STPG2: variants seen among roughly 807,000 people sequenced by gnomAD.
The protein encoded by STPG2 is sperm-tail PG-rich repeat-containing protein 2.
Under a neutral mutation model 54.2 loss-of-function variants are expected in STPG2, and 56 were observed. The ratio of observed to expected loss-of-function variants is 1.03; its 90% CI spans 0.83 to 1.29. The LOEUF (loss-of-function observed/expected upper bound fraction) is 1.29, where lower values mean the gene tolerates loss of function less well. STPG2 is among the 50% of genes most tolerant of loss of function. The probability of loss-of-function intolerance (pLI) is 0.00; values close to 1 mark genes in which losing one functional copy is unlikely to be tolerated. For synonymous variants in STPG2, 200 were observed against 181.8 expected (o/e 1.10, Z -0.81); for missense variants, 596 against 544.9 (o/e 1.09, Z -0.93).
At chr4:97,565,901 G>C (rs912693493) in intron 10 of STPG2, among the ~76,000 whole-genome samples, 1 of 152,184 alleles carries the variant, frequency 6.6e-6, no homozygotes, top group African/African-American at 2.4e-5. Context: ...ACCCACTTGA[G>C]GAGGCAGTCT....
intron 4 of STPG2, among the ~76,000 whole-genome samples, chr4:97,541,061 A>G (rs1731689265): frequency 6.6e-6 from 1 of 152,224 alleles, no homozygotes; most frequent in Non-Finnish European, 1.5e-5. Flanking sequence ...AAATGGCACA[A>G]GACAGGGATG....
At chr4:98,042,688 T>A (rs1578807488) in intron 5 of STPG2, among the ~76,000 whole-genome samples, 1 of 149,870 alleles carries the variant, frequency 6.7e-6, no homozygotes, top group East Asian at 1.9e-4. Flanking sequence ...TAATTTTGAT[T>A]TTCAAAAATT....
chr4:98,120,489 C>T (rs1739648510), intron 3 of STPG2, among the ~76,000 whole-genome samples: 1 of 152,190 alleles, frequency 6.6e-6, no homozygotes, highest in Admixed American at 6.5e-5. Context: ...AATCACCACA[C>T]TGTCTTCCAC....
chr4:97,914,538 A>C (rs1731802481), intron 8 of STPG2, among the ~76,000 whole-genome samples: 2 of 152,180 alleles, frequency 1.3e-5, no homozygotes, highest in South Asian at 4.1e-4. Context: ...CACACCTCCA[A>C]AACTTTCCAT....
chr4:97,761,082 A>T (rs1396874990), intron 9 of STPG2, among the ~76,000 whole-genome samples: 1 of 152,146 alleles, frequency 6.6e-6, no homozygotes, highest in Non-Finnish European at 1.5e-5. Flanking sequence ...AGTTGAAGAT[A>T]ATCTCCCCAT....
At chr4:98,022,275 G>A (rs1382954362) in intron 5 of STPG2, among the ~76,000 whole-genome samples, 1 of 151,284 alleles carries the variant, frequency 6.6e-6, no homozygotes, top group Non-Finnish European at 1.5e-5. Flanking sequence ...CTTCACTTAT[G>A]AAGCTTAGTT....
At chr4:97,860,257 T>C (rs1460027876) in intron 8 of STPG2, among the ~76,000 whole-genome samples, 1 of 152,118 alleles carries the variant, frequency 6.6e-6, no homozygotes, top group Non-Finnish European at 1.5e-5. Flanking sequence ...TTTCTAGTTC[T>C]ATGAAGAATC....
chr4:97,882,437 G>A (rs1730411871), intron 8 of STPG2, among the ~76,000 whole-genome samples: 1 of 152,126 alleles, frequency 6.6e-6, no homozygotes, highest in Admixed American at 6.6e-5. Context: ...GATCCCTGGA[G>A]AAAGAAAACT....
chr4:97,874,167 C>G (rs986814064), intron 8 of STPG2, among the ~76,000 whole-genome samples: 1 of 151,564 alleles, frequency 6.6e-6, no homozygotes, highest in African/African-American at 2.4e-5. Flanking sequence ...AAAGCTTTGA[C>G]CAACTGAAAT....
At chr4:97,470,794 C>G in intron 4 of STPG2, among the ~76,000 whole-genome samples, 1 of 151,954 alleles carries the variant, frequency 6.6e-6, no homozygotes, top group East Asian at 1.9e-4. Flanking sequence ...AGGTGAATGA[C>G]TGATATAGGC....
intron 10 of STPG2, among the ~76,000 whole-genome samples, chr4:97,579,799 C>T (rs1732818205): frequency 6.6e-6 from 1 of 151,966 alleles, no homozygotes; most frequent in Non-Finnish European, 1.5e-5. Flanking sequence ...ATTTTGCACA[C>T]TAATTGAGGT....
chr4:97,639,802 G>T (rs556161499), intron 10 of STPG2, among the ~76,000 whole-genome samples: 1 of 151,154 alleles, frequency 6.6e-6, no homozygotes, highest in African/African-American at 2.4e-5. Context: ...GTTCCCAAAA[G>T]GAACCATTTG....
At chr4:97,995,733 G>GT (rs1458527429) in intron 5 of STPG2, among the ~76,000 whole-genome samples, 2 of 152,120 alleles carry the variant, frequency 1.3e-5, no homozygotes, top group Non-Finnish European at 2.9e-5. Context: ...CTCATTTCTG[G>GT]TCCCCAGTGA....
rs75530151 is a variant in STPG2 at position 97,915,887 on chromosome 4, T to C, written c.1044+28010A>G. Reference sequence around the variant, plus strand: ...TTCGGGAAGATCACCATGGCAATAATGCATTGCAAGGATAGAGGGGGTGAG... The same window carrying C: ...TTCGGGAAGATCACCATGGCAATAACGCATTGCAAGGATAGAGGGGGTGAG... On this transcript the variant is annotated intron_variant, in intron 8 of 10. Coordinates refer to ENST00000295268, the MANE Select transcript of STPG2 (RefSeq NM_174952.3). Among the ~76,000 whole-genome samples, 619 of 152,176 alleles carry C rather than the reference T, an allele frequency of 4.1e-3. 29 individuals are homozygous for C. In the East Asian group the frequency reaches 0.1, roughly 25 times the overall value.
At chr4:98,140,700 G>A (rs1379414407) in intron 1 of STPG2, among the ~76,000 whole-genome samples, 5 of 151,934 alleles carry the variant, frequency 3.3e-5, no homozygotes, top group Admixed American at 3.3e-4. Context: ...GACCAGTATT[G>A]CTGGAAAAAA....
At chr4:97,463,140 C>A (rs914319015) in intron 4 of STPG2, among the ~76,000 whole-genome samples, 8 of 152,040 alleles carry the variant, frequency 5.3e-5, no homozygotes, top group Admixed American at 2.6e-4. Context: ...TACCCTTGCT[C>A]TTCTGAAATA....
chr4:98,039,220 G>C (rs1031599788), intron 5 of STPG2, among the ~76,000 whole-genome samples: 1 of 151,590 alleles, frequency 6.6e-6, no homozygotes, highest in Non-Finnish European at 1.5e-5. Flanking sequence ...ATGTATATTA[G>C]TATGTATATA....
intron 9 of STPG2, among the ~76,000 whole-genome samples, chr4:97,798,375 A>G (rs1237807761): frequency 6.6e-6 from 1 of 152,048 alleles, no homozygotes; most frequent in Non-Finnish European, 1.5e-5. Flanking sequence ...AGATTCTGGT[A>G]TGTTGTGTCT....
intron 5 of STPG2, among the ~76,000 whole-genome samples, chr4:97,984,727 G>C (rs761961460): frequency 6.6e-6 from 1 of 152,122 alleles, no homozygotes; most frequent in Admixed American, 6.6e-5. Context: ...TGTAGTCAAA[G>C]AAGTGTTACG....
Sources: gnomAD v4.1 joint callset for allele counts (sites outside exome capture counted in the v4.1 genomes callset) on GRCh38, gnomAD v4.1.1 for gene constraint, MANE v1.5 for transcripts, NCBI Gene and HGNC (gene_info 2026-07-23, HGNC 2026-07-21) for gene names.